The following PI4KB variants were observed in gnomAD, a reference collection of about 807,000 sequenced individuals.
PI4KB encodes PtdIns 4-kinase beta.
PI4KB carries 23 observed loss-of-function variants against 81.4 expected under a neutral mutation model. The observed-to-expected ratio is 0.28, with a 90% CI of 0.20 to 0.40. The LOEUF is 0.40. Ranked by LOEUF, PI4KB falls within the 10% of genes least tolerant of loss-of-function variation. The probability of loss-of-function intolerance (pLI) is 1.00; values close to 1 mark genes in which losing one functional copy is unlikely to be tolerated. For missense variants in PI4KB, 651 were observed against 1,036.6 expected (o/e 0.63, Z 5.11); for synonymous variants, 381 against 406.8 (o/e 0.94, Z 0.76).
chr1:151,305,170 T>G (rs1156696392), intron 5 of PI4KB, among the ~76,000 whole-genome samples: 1 of 152,210 alleles, frequency 6.6e-6, no homozygotes, highest in African/African-American at 2.4e-5. Context: ...TTCACCTTGT[T>G]GGCCAGGCTG....
At chr1:151,305,478 T>C (rs1037624237) in intron 5 of PI4KB, among the ~76,000 whole-genome samples, 29 of 152,192 alleles carry the variant, frequency 1.9e-4, no homozygotes, top group African/African-American at 6.0e-4. Flanking sequence ...AGCTCCCTCT[T>C]GTCTTCTGGC....
intron 5 of PI4KB, among the ~76,000 whole-genome samples, chr1:151,304,192 G>C (rs1453235414): frequency 2.0e-5 from 3 of 152,070 alleles, no homozygotes; most frequent in Non-Finnish European, 4.4e-5. Context: ...CTTCATACCA[G>C]AGCATTTCTT....
intron 8 of PI4KB, among the ~76,000 whole-genome samples, chr1:151,301,190 T>C (rs1024987813): frequency 4.6e-5 from 7 of 152,124 alleles, no homozygotes; most frequent in South Asian, 2.1e-4. Flanking sequence ...TCACCTCCGG[T>C]TGGCTGGAGT....
chr1:151,301,164 A>C (rs1301608981), intron 8 of PI4KB, among the ~76,000 whole-genome samples: 1 of 152,226 alleles, frequency 6.6e-6, no homozygotes, highest in East Asian at 1.9e-4. Flanking sequence ...GGTCCCCGGC[A>C]GAATAATCTG....
At position 151,294,395 on chromosome 1, in the gene PI4KB, CCTT is replaced by C. The variant is rs1025498941; in HGVS notation, c.2148+11_2148+13del. The C allele has an allele frequency of 6.8e-6, 11 of 1,613,444 alleles. No individual in the cohort carries two copies. Among genetic ancestry groups the C allele is most frequent in the Middle Eastern group, 1.6e-4 (1 of 6,082 alleles). ...ACAATGACCCCCGAGAGGCACCTCT[CCTT>C]CTTGACTCACATCCACAAACTCTGT... is the stretch of plus-strand genomic sequence containing the variant. On this transcript the variant is annotated intron_variant, in intron 10 of 11. Coordinates refer to ENST00000368873, the MANE Select transcript of PI4KB (RefSeq NM_001369623.2).
At chr1:151,315,104 A>T (rs1647716476) in intron 2 of PI4KB, among the ~76,000 whole-genome samples, 1 of 151,942 alleles carries the variant, frequency 6.6e-6, no homozygotes, top group Non-Finnish European at 1.5e-5. Flanking sequence ...TCAGCCTCCC[A>T]AGTAGCTGGG....
chr1:151,295,460 T>C (rs587610119), intron 9 of PI4KB, among the ~76,000 whole-genome samples: 1 of 152,354 alleles, frequency 6.6e-6, no homozygotes, highest in South Asian at 2.1e-4. Context: ...GGAGTTGTCA[T>C]GGTTCAACCT....
At chr1:151,318,996 C>A (rs1648446274) in intron 1 of PI4KB, among the ~76,000 whole-genome samples, 2 of 152,128 alleles carry the variant, frequency 1.3e-5, no homozygotes, top group South Asian at 4.1e-4. Context: ...GACTTGAAGG[C>A]AAATAGGCTG....
intron 2 of PI4KB, among the ~76,000 whole-genome samples, chr1:151,311,274 G>A (rs1341175009): frequency 2.0e-5 from 3 of 152,114 alleles, no homozygotes; most frequent in African/African-American, 4.8e-5. Flanking sequence ...CGTTGAGGTC[G>A]GGGTGGGGGA....
At chr1:151,296,345 A>G (rs1694787752) in intron 9 of PI4KB, among the ~76,000 whole-genome samples, 1 of 152,210 alleles carries the variant, frequency 6.6e-6, no homozygotes, top group African/African-American at 2.4e-5. Context: ...GCAGGGTGGA[A>G]TGAGCACAGG....
chr1:151,294,583 T>C, intron 9 of PI4KB, 42 bp from the exon 10 acceptor site: 1 of 1,607,770 alleles, frequency 6.2e-7, no homozygotes, highest in Non-Finnish European at 8.5e-7. Flanking sequence ...CAGTAGTCAG[T>C]CTGACTGAGG....
intron 11 of PI4KB, chr1:151,293,800 G>A: frequency 1.9e-6 from 1 of 521,356 alleles, no homozygotes; most frequent in South Asian, 2.5e-5. Flanking sequence ...AAGGAGGCAG[G>A]TGCTGCTATC....
chr1:151,327,566 T>G, upstream of PI4KB: 1 of 391,342 alleles, frequency 2.6e-6, no homozygotes, highest in Non-Finnish European at 4.5e-6. Context: ...CGATGTAGTA[T>G]TCTTCTCCGG....
intron 8 of PI4KB, among the ~76,000 whole-genome samples, chr1:151,300,008 T>C (rs1342925879): frequency 6.6e-6 from 1 of 152,278 alleles, no homozygotes; most frequent in East Asian, 1.9e-4. Context: ...AACCAAAAAT[T>C]GAGTTTGGCA....
intron 1 of PI4KB, chr1:151,326,222 C>T (rs779580070): frequency 1.3e-6 from 2 of 1,593,784 alleles, no homozygotes; most frequent in Admixed American, 3.5e-5. Context: ...AGTGGCTGCT[C>T]CGGAGTAGTC....
In PI4KB at chr1:151,310,290, G is replaced by T. The variant is rs1392334475; in HGVS notation, c.910-35C>A. ...GGCCAGAGGGCAAAGGGAGAAGGAGGGGGTGGGAAGGGAGGGGAGAGAGAC... is the reference window on the plus strand; with the variant it reads ...GGCCAGAGGGCAAAGGGAGAAGGAGTGGGTGGGAAGGGAGGGGAGAGAGAC... On this transcript the variant is annotated intron_variant, in intron 2 of 11. Coordinates refer to ENST00000368873, the MANE Select transcript of PI4KB (RefSeq NM_001369623.2). The T allele has an allele frequency of 2.3e-6, 3 of 1,295,472 alleles. No individual in the cohort carries two copies. The African/African-American group carries it at 4.4e-5, about 19-fold the overall frequency. 80.2% of individuals were successfully genotyped at this position (1,295,472 alleles called of 1,614,324 possible). A position where few individuals can be genotyped will look rare whatever the true frequency, so the allele number is the denominator to read the frequency against.
intron 2 of PI4KB, among the ~76,000 whole-genome samples, chr1:151,314,797 G>A (rs1310079417): frequency 2.0e-5 from 3 of 152,144 alleles, no homozygotes; most frequent in African/African-American, 7.2e-5. Flanking sequence ...CCAGGAGAAT[G>A]AAGCCGATGT....
intron 2 of PI4KB, among the ~76,000 whole-genome samples, chr1:151,313,218 C>G (rs1186924736): frequency 6.6e-6 from 1 of 152,180 alleles, no homozygotes; most frequent in Non-Finnish European, 1.5e-5. Flanking sequence ...TCAGGTATTT[C>G]ATTCTGTCAG....
chr1:151,323,956 A>T (rs534175157), intron 1 of PI4KB, among the ~76,000 whole-genome samples: 9 of 145,356 alleles, frequency 6.2e-5, no homozygotes, highest in East Asian at 4.0e-4. Context: ...TCAAAAAAAA[A>T]TTTTTTTTTT....
Sources: gnomAD v4.1 joint callset for allele counts (sites outside exome capture counted in the v4.1 genomes callset) on GRCh38, gnomAD v4.1.1 for gene constraint, MANE v1.5 for transcripts, NCBI Gene and HGNC (gene_info 2026-07-23, HGNC 2026-07-21) for gene names.